Variants in DOCK4 observed in about 807,000 individuals in gnomAD.
The protein encoded by DOCK4 is dedicator of cytokinesis 4.
A neutral mutation model predicts 268.1 loss-of-function variants in DOCK4; 97 were observed. That is an observed-to-expected ratio of 0.36 (90% CI 0.31 to 0.43). The LOEUF (loss-of-function observed/expected upper bound fraction) is 0.43. DOCK4 is among the 20% of genes least tolerant of loss of function. The pLI is 1.00. For synonymous variants in DOCK4, 954 were observed against 887.2 expected, an observed-to-expected ratio of 1.08 and a Z score of -1.34; for missense variants, 2,145 against 2,455.7, an observed-to-expected ratio of 0.87 and a Z score of 2.67.
At chr7:112,109,746 T>C (rs1380874381) in intron 1 of DOCK4, among the ~76,000 whole-genome samples, 1 of 20,360 alleles carries the variant, frequency 4.9e-5, no homozygotes, top group Non-Finnish European at 7.2e-5. Flanking sequence ...AAAATCATCT[T>C]TTTTTTTTTT....
intron 1 of DOCK4, among the ~76,000 whole-genome samples, chr7:112,060,818 A>G (rs1260290451): frequency 6.6e-6 from 1 of 152,126 alleles, no homozygotes. Context: ...GGGGCTAGGG[A>G]GAATAGGGAG....
intron 16 of DOCK4, among the ~76,000 whole-genome samples, chr7:111,886,904 C>A (rs535139403): frequency 2.0e-5 from 3 of 151,994 alleles, no homozygotes; most frequent in African/African-American, 7.2e-5. Flanking sequence ...ACTATTTTTG[C>A]AACTCTTCTA....
chr7:112,046,944 A>G (rs1279916141), intron 1 of DOCK4, among the ~76,000 whole-genome samples: 1 of 152,228 alleles, frequency 6.6e-6, no homozygotes, highest in African/African-American at 2.4e-5. Context: ...ACAAAGAGAA[A>G]GAATCACAGA....
At chr7:111,934,535 T>G (rs28384172) in intron 12 of DOCK4, among the ~76,000 whole-genome samples, 3 of 120,780 alleles carry the variant, frequency 2.5e-5, no homozygotes, top group Admixed American at 8.2e-5. Flanking sequence ...TTTTTTTTTT[T>G]TTTTTTTTTT....
intron 39 of DOCK4, among the ~76,000 whole-genome samples, chr7:111,760,933 T>A (rs929613902): frequency 6.6e-6 from 1 of 152,126 alleles, no homozygotes; most frequent in East Asian, 1.9e-4. Flanking sequence ...TTAATGATAA[T>A]GAAGTTGTAA....
chr7:111,845,140 C>T (rs1261042870), intron 24 of DOCK4, among the ~76,000 whole-genome samples: 1 of 152,146 alleles, frequency 6.6e-6, no homozygotes, highest in Non-Finnish European at 1.5e-5. Context: ...TGAAGGCACA[C>T]CAGACTAACT....
rs1328899974 is a variant in DOCK4, at chr7:111,963,464, G to A, written c.701+13668C>T. ...GGGTGACTGACGCACCTGGAAAATCGGGTCACTCCCACCCGAATATTGCGC... is the reference window on the plus strand; with the variant it reads ...GGGTGACTGACGCACCTGGAAAATCAGGTCACTCCCACCCGAATATTGCGC... On this transcript the variant is annotated intron_variant, in intron 8 of 52. Transcript: ENST00000428084. 1.9e-4 allele frequency among the ~76,000 whole-genome samples: 21 copies of A among 107,736 alleles called. 1 individual carries two copies. The highest frequency in any genetic ancestry group is 2.6e-4 in the Non-Finnish European group (15 of 58,388). The allele number at this position is 107,736 out of a possible 152,430, so 70.7% of individuals were successfully genotyped here.
At chr7:111,793,453 T>C (rs1318466577) in intron 30 of DOCK4, among the ~76,000 whole-genome samples, 2 of 152,372 alleles carry the variant, frequency 1.3e-5, no homozygotes, top group African/African-American at 4.8e-5. Context: ...TTCTTTCTTG[T>C]ACATGTTTTG....
intron 23 of DOCK4, among the ~76,000 whole-genome samples, chr7:111,859,797 G>A (rs1033318019): frequency 6.6e-6 from 1 of 151,890 alleles, no homozygotes; most frequent in Admixed American, 6.6e-5. Context: ...TCGATCTTCT[G>A]ACCTCGTGAT....
intron 1 of DOCK4, among the ~76,000 whole-genome samples, chr7:112,047,967 A>G (rs1306499569): frequency 6.6e-6 from 1 of 152,184 alleles, no homozygotes; most frequent in Non-Finnish European, 1.5e-5. Flanking sequence ...CTGGGATTAC[A>G]GGTGTGAGCT....
chr7:111,976,177 T>TATATATATATATACAC (rs1435347839), intron 8 of DOCK4, among the ~76,000 whole-genome samples: 1 of 89,164 alleles, frequency 1.1e-5, no homozygotes, highest in Admixed American at 1.0e-4. Context: ...TATATATATA[T>TATATATATATATACAC]ACACACACAC....
At chr7:112,136,439 T>C (rs1814354234) in intron 1 of DOCK4, among the ~76,000 whole-genome samples, 2 of 152,098 alleles carry the variant, frequency 1.3e-5, no homozygotes, top group Admixed American at 1.3e-4. Context: ...TCCAGACAAT[T>C]ACGAGAAGAT....
At chr7:111,907,887 C>G (rs1397985660) in intron 13 of DOCK4, among the ~76,000 whole-genome samples, 3 of 152,046 alleles carry the variant, frequency 2.0e-5, no homozygotes, top group African/African-American at 4.8e-5. Flanking sequence ...CGCCACCATG[C>G]CTGGCTAATT....
intron 7 of DOCK4, among the ~76,000 whole-genome samples, chr7:111,980,986 C>A (rs917032102): frequency 6.6e-6 from 1 of 152,174 alleles, no homozygotes; most frequent in Non-Finnish European, 1.5e-5. Flanking sequence ...TAACACTGTG[C>A]GGTTTAGCAC....
In DOCK4 at chr7:111,994,610, T is replaced by C. The variant is rs181184612; in HGVS notation, c.219-379A>G. Among the ~76,000 whole-genome samples the C allele has an allele frequency of 2.2e-4, 33 of 152,316 alleles. 1 individual carries two copies. In the East Asian group the frequency reaches 6.2e-3, roughly 28 times the overall value. ...GGTGACTTTTGCCTTCCAAGGGCTA[T>C]GACTATAGGACTCAAAGAGAGTAAA... is the stretch of plus-strand genomic sequence containing the variant. On this transcript the variant is annotated intron_variant, in intron 4 of 52. Transcript: ENST00000428084.
chr7:111,802,805 C>T (rs1176455739), intron 30 of DOCK4, among the ~76,000 whole-genome samples: 1 of 152,120 alleles, frequency 6.6e-6, no homozygotes, highest in Non-Finnish European at 1.5e-5. Context: ...ATCCATACAT[C>T]CATCATCTAG....
chr7:112,099,787 C>T (rs194590), intron 1 of DOCK4, among the ~76,000 whole-genome samples: 58,509 of 151,894 alleles, frequency 0.39, 11,517 homozygotes, highest in Non-Finnish European at 0.43. Context: ...AAAACTACCC[C>T]CTCCCTCATA....
At chr7:112,127,245 T>C (rs923885202) in intron 1 of DOCK4, among the ~76,000 whole-genome samples, 1 of 151,420 alleles carries the variant, frequency 6.6e-6, no homozygotes, top group Non-Finnish European at 1.5e-5. Context: ...AAATGATGAG[T>C]TCATGTCCTT....
intron 16 of DOCK4, among the ~76,000 whole-genome samples, chr7:111,884,606 T>C (rs570411182): frequency 7.2e-5 from 11 of 152,292 alleles, no homozygotes; most frequent in South Asian, 2.1e-4. Flanking sequence ...CAGAGTGGTA[T>C]ATGGAGCTGA....
Sources: gnomAD v4.1 joint callset for allele counts (sites outside exome capture counted in the v4.1 genomes callset) on GRCh38, gnomAD v4.1.1 for gene constraint, MANE v1.5 for transcripts, NCBI Gene and HGNC (gene_info 2026-07-23, HGNC 2026-07-21) for gene names.